Variants in CFAP91 observed in about 807,000 individuals in gnomAD.
CFAP91 encodes the protein cilia and flagella associated protein 91, also known as cilia- and flagella-associated protein 91.
In CFAP91, 85 loss-of-function variants were observed where a neutral mutation model predicts 95.9. The ratio of observed to expected loss-of-function variants is 0.89; its 90% CI spans 0.74 to 1.06. The LOEUF is 1.06. Among genes scored for constraint, CFAP91 ranks in the 50% least tolerant of loss-of-function variants. The pLI is 0.00. For synonymous variants in CFAP91, 335 were observed against 327.5 expected (o/e 1.02, Z -0.25); for missense variants, 962 against 943.4 (o/e 1.02, Z -0.26).
At chr3:119,722,280 A>AACCC (rs1360738657) in intron 6 of CFAP91, among the ~76,000 whole-genome samples, 6 of 152,028 alleles carry the variant, frequency 3.9e-5, no homozygotes, top group Admixed American at 2.0e-4. Context: ...AACATGGTGA[A>AACCC]ACCCCGTCTC....
At chr3:119,710,573 A>G (rs533510210) in intron 5 of CFAP91, among the ~76,000 whole-genome samples, 1 of 152,376 alleles carries the variant, frequency 6.6e-6, no homozygotes, top group Admixed American at 6.5e-5. Context: ...ACACAGACAC[A>G]TATTCAAATT....
intron 5 of CFAP91, among the ~76,000 whole-genome samples, chr3:119,713,787 G>A (rs902510834): frequency 5.9e-5 from 9 of 151,902 alleles, no homozygotes; most frequent in African/African-American, 1.9e-4. Flanking sequence ...ATGTAAAAAT[G>A]GAATCCTACT....
At chr3:119,725,096 T>C (rs757454883) in intron 6 of CFAP91, among the ~76,000 whole-genome samples, 1 of 152,232 alleles carries the variant, frequency 6.6e-6, no homozygotes, top group Non-Finnish European at 1.5e-5. Flanking sequence ...TATTTTTAAA[T>C]GAAAATAAAA....
chr3:119,741,079 T>A (rs1414762124), intron 13 of CFAP91, among the ~76,000 whole-genome samples: 1 of 152,212 alleles, frequency 6.6e-6, no homozygotes, highest in East Asian at 1.9e-4. Context: ...CTCGAACTCC[T>A]GACCTCAGGT....
chr3:119,720,170 C>T (rs1236285294), intron 6 of CFAP91, among the ~76,000 whole-genome samples: 4 of 150,660 alleles, frequency 2.7e-5, no homozygotes, highest in South Asian at 2.1e-4. Context: ...AGGTGGATCA[C>T]GAGGTCAAGA....
intron 1 of CFAP91, chr3:119,706,056 G>T (rs2053353586): frequency 6.6e-6 from 1 of 152,156 alleles, no homozygotes; most frequent in Non-Finnish European, 1.5e-5. Flanking sequence ...TAGCTGGTCA[G>T]GGTATTTGCC....
At chr3:119,729,800 G>A (rs1252353908) in intron 7 of CFAP91, among the ~76,000 whole-genome samples, 1 of 152,190 alleles carries the variant, frequency 6.6e-6, no homozygotes, top group Non-Finnish European at 1.5e-5. Flanking sequence ...CCTATTATAT[G>A]CCAGGAACTG....
intron 2 of CFAP91, 45 bp downstream of exon 2, chr3:119,706,930 A>G (rs1268622083): frequency 1.4e-6 from 2 of 1,465,534 alleles, no homozygotes; most frequent in Non-Finnish European, 1.9e-6. Flanking sequence ...AACCTGAACC[A>G]TCTAGTTTGC....
Position 119,764,817 on chromosome 3 carries a change from G to A in CFAP91, c.*2-235G>A, listed in dbSNP as rs553079295. 4.4e-4 allele frequency among the ~76,000 whole-genome samples: 67 copies of A among 152,098 alleles called. 1 individual carries two copies. In the South Asian group the frequency reaches 0.013, roughly 30 times the overall value. On this transcript the variant is annotated intron_variant, in intron 17 of 17. Coordinates refer to ENST00000273390, the MANE Select transcript of CFAP91 (RefSeq NM_033364.4). The stretch of plus-strand genomic sequence containing the variant: ...TTTTATGATGTATGTATACAACCCA[G>A]TTAATGTACAGATTTTTTTAAGTGC...
intron 11 of CFAP91, among the ~76,000 whole-genome samples, chr3:119,738,654 A>G (rs866977972): frequency 1.3e-5 from 2 of 151,922 alleles, no homozygotes; most frequent in Non-Finnish European, 2.9e-5. Context: ...CAGCCTGACA[A>G]CACATCGTCT....
chr3:119,707,761 T>C (rs1222310071), intron 3 of CFAP91, among the ~76,000 whole-genome samples, 200 bp downstream of exon 3: 1 of 123,042 alleles, frequency 8.1e-6, no homozygotes, highest in African/African-American at 3.0e-5. Flanking sequence ...TTTTGTCATA[T>C]ATATAATGAC....
rs1461685129 is a variant in CFAP91, at chr3:119,766,685, T to A, written c.*1635T>A. 2.0e-5 allele frequency: 3 copies of A among 152,104 alleles called. No individual in the cohort carries two copies. The highest frequency in any genetic ancestry group is 4.8e-5 in the African/African-American group (2 of 41,428). 9.4% of individuals were successfully genotyped at this position (152,104 alleles called of 1,614,324 possible). Reference sequence around the variant, plus strand: ...GATGGTCGCCATCATAACTGCATACTCAACTCTGCCGTTGTAGGGTAAGAG... The same window carrying A: ...GATGGTCGCCATCATAACTGCATACACAACTCTGCCGTTGTAGGGTAAGAG... On this transcript the variant is annotated 3_prime_UTR_variant, in exon 18 of 18. Coordinates refer to ENST00000273390, the MANE Select transcript of CFAP91 (RefSeq NM_033364.4).
intron 8 of CFAP91, among the ~76,000 whole-genome samples, chr3:119,731,910 C>T (rs1239924911): frequency 3.3e-5 from 5 of 152,196 alleles, no homozygotes; most frequent in Non-Finnish European, 7.4e-5. Flanking sequence ...TTTTGATTAT[C>T]CTTGTAGGGG....
chr3:119,726,181 C>T lies in CFAP91; in HGVS notation c.693C>T (p.Leu231=), dbSNP rs569328619. ...TLATLTWGRG[L]PAGQAEVEMI... The stretch of plus-strand genomic sequence containing the variant: ...TGCTTTATCCTGCAGGTCGGGGTCT[C>T]CCAGCAGGACAAGCTGAGGTGGAGA... Residue 231 remains leucine (L), a synonymous_variant, in exon 7 of 18, where the codon CTC becomes CTT. Coordinates refer to ENST00000273390, the MANE Select transcript of CFAP91 (RefSeq NM_033364.4). The T allele has an allele frequency of 1.2e-6, 2 of 1,609,880 alleles. No homozygotes were observed. The highest frequency in any genetic ancestry group is 2.2e-5 in the East Asian group (1 of 44,804).
chr3:119,744,836 C>T (rs1394572556), intron 14 of CFAP91, among the ~76,000 whole-genome samples: 4 of 152,170 alleles, frequency 2.6e-5, no homozygotes, highest in Admixed American at 1.3e-4. Context: ...CTTCTAGCCT[C>T]CTACTAATCT....
chr3:119,703,596 A>G (rs1015156364), intron 1 of CFAP91, among the ~76,000 whole-genome samples: 3 of 152,236 alleles, frequency 2.0e-5, no homozygotes, highest in Non-Finnish European at 4.4e-5. Context: ...TCTCTGGGCA[A>G]ATCCAAGTTG....
Position 119,738,087 on chromosome 3 carries a change from G to A in CFAP91, c.1461+605G>A, listed in dbSNP as rs374946966. On this transcript the variant is annotated intron_variant, in intron 11 of 17. Transcript: ENST00000273390. Reference sequence around the variant, plus strand: ...CCTACTGGATCAGGCTGTTCCTCTTGGCTGGTCAGCACATTATCTCTCAGT... The same window carrying A: ...CCTACTGGATCAGGCTGTTCCTCTTAGCTGGTCAGCACATTATCTCTCAGT... 1.6e-4 allele frequency among the ~76,000 whole-genome samples: 24 copies of A among 152,248 alleles called. No homozygotes were observed. In the South Asian group the frequency reaches 5.0e-3, roughly 32 times the overall value.
intron 16 of CFAP91, 61 bp from the exon 17 acceptor site, chr3:119,750,876 C>T: frequency 6.3e-7 from 1 of 1,586,490 alleles, no homozygotes; most frequent in Non-Finnish European, 8.6e-7. Flanking sequence ...TCTCTTGAAA[C>T]ATTTGGGAAT....
In CFAP91 at chr3:119,737,348, TA is replaced by T; in HGVS notation, c.1345-16del. 7.0e-7 allele frequency: 1 copy of T among 1,436,586 alleles called. No homozygotes were observed. The highest frequency in any genetic ancestry group is 9.6e-7 in the Non-Finnish European group (1 of 1,043,634). 89.0% of individuals were successfully genotyped at this position (1,436,586 alleles called of 1,614,324 possible). A position where few individuals can be genotyped will look rare whatever the true frequency, so the allele number is the denominator to read the frequency against. ...TTTTTGTTAAAAAAAGAGATTATAT[TA>T]ATTGGCATTATTTCAGGCACTGTTG... On this transcript the variant is annotated splice_polypyrimidine_tract_variant and intron_variant, in intron 10 of 17. Coordinates refer to ENST00000273390, the MANE Select transcript of CFAP91 (RefSeq NM_033364.4).
Sources: allele counts gnomAD v4.1 joint callset (sites outside exome capture counted in the v4.1 genomes callset), GRCh38; gene constraint gnomAD v4.1.1; transcripts MANE v1.5; gene names NCBI Gene and HGNC (gene_info 2026-07-23, HGNC 2026-07-21).